The following CACNA2D2 variants were observed in gnomAD, a reference collection of about 807,000 sequenced individuals.
CACNA2D2 encodes calcium voltage-gated channel auxiliary subunit alpha2delta 2, also known as voltage-dependent calcium channel subunit alpha-2/delta-2.
In CACNA2D2, 48 loss-of-function variants were observed where a neutral mutation model predicts 166.4. The ratio of observed to expected loss-of-function variants is 0.29; its 90% CI spans 0.23 to 0.37. CACNA2D2 has a LOEUF of 0.37. Ranked by LOEUF, CACNA2D2 falls within the 10% of genes least tolerant of loss-of-function variation. The probability of loss-of-function intolerance (pLI) is 1.00; values close to 1 mark genes in which losing one functional copy is unlikely to be tolerated. For missense variants in CACNA2D2, 1,122 were observed against 1,433.0 expected (o/e 0.78, Z 3.50); for synonymous variants, 561 against 573.7 (o/e 0.98, Z 0.32).
intron 2 of CACNA2D2, among the ~76,000 whole-genome samples, chr3:50,457,508 C>T (rs970348978): frequency 6.6e-5 from 10 of 152,188 alleles, no homozygotes; most frequent in Non-Finnish European, 1.3e-4. Flanking sequence ...AATGTCTCCC[C>T]GCAGCTCCTG....
intron 2 of CACNA2D2, among the ~76,000 whole-genome samples, chr3:50,457,677 C>T (rs1485596170): frequency 6.6e-6 from 1 of 152,196 alleles, no homozygotes; most frequent in Non-Finnish European, 1.5e-5. Flanking sequence ...CTCAACACAC[C>T]TGAGGCTTGG....
At chr3:50,463,463 T>A (rs977540116) in intron 2 of CACNA2D2, among the ~76,000 whole-genome samples, 5 of 152,210 alleles carry the variant, frequency 3.3e-5, no homozygotes, top group Non-Finnish European at 7.3e-5. Flanking sequence ...CACGCCCAGC[T>A]GATTTTTGTA....
At chr3:50,451,187 G>A (rs767673034) in intron 2 of CACNA2D2, among the ~76,000 whole-genome samples, 10 of 151,776 alleles carry the variant, frequency 6.6e-5, no homozygotes, top group African/African-American at 1.2e-4. Flanking sequence ...GTGCAATGGC[G>A]CGATCTCGGC....
In CACNA2D2 at chr3:50,380,632, T is replaced by C; in HGVS notation, c.842+116A>G. 1.2e-6 allele frequency: 1 copy of C among 829,616 alleles called. No homozygotes were observed. The highest frequency in any genetic ancestry group is 1.8e-6 in the Non-Finnish European group (1 of 547,130). The allele number at this position is 829,616 out of a possible 1,614,324, so 51.4% of individuals were successfully genotyped here. Reference sequence around the variant, plus strand: ...TGGCAACCATGTGTGAAATGAAAATTGGATACAGCTGGCTGCGCCCTGCTA... The same window carrying C: ...TGGCAACCATGTGTGAAATGAAAATCGGATACAGCTGGCTGCGCCCTGCTA... On this transcript the variant is annotated intron_variant, in intron 8 of 37. Transcript: ENST00000424201. This position sits in a 1 kb window ranked among gnomAD's most constrained non-coding sequence, Gnocchi z 4.9.
chr3:50,367,785 T>A lies in CACNA2D2; in HGVS notation c.2234+27A>T. 1 of 1,612,410 alleles carries A rather than the reference T, an allele frequency of 6.2e-7. No homozygotes were observed. The highest frequency in any genetic ancestry group is 8.5e-7 in the Non-Finnish European group (1 of 1,178,812). Reference sequence around the variant, plus strand: ...GGCCTCTGGGCCCATCCTAGCCTTCTGCCCCCACAGGCTGGGTGATGCCTA... The same window carrying A: ...GGCCTCTGGGCCCATCCTAGCCTTCAGCCCCCACAGGCTGGGTGATGCCTA... On this transcript the variant is annotated intron_variant, in intron 25 of 37. Transcript: ENST00000424201. This position sits in a 1 kb window ranked among gnomAD's most constrained non-coding sequence, Gnocchi z 6.5.
At chr3:50,385,791 G>A (rs906397533) in intron 5 of CACNA2D2, among the ~76,000 whole-genome samples, 1 of 152,226 alleles carries the variant, frequency 6.6e-6, no homozygotes, top group African/African-American at 2.4e-5. Flanking sequence ...TGTGAGGCGT[G>A]CGCCACTCAC....
In CACNA2D2 at chr3:50,366,945, A is replaced by G; in HGVS notation, c.2501-26T>C. Reference sequence around the variant, plus strand: ...CTTTGGGGGAGAGCAAGGGACCATCAGTGCTACCTGCCCAGGCAGTACCCT... The same window carrying G: ...CTTTGGGGGAGAGCAAGGGACCATCGGTGCTACCTGCCCAGGCAGTACCCT... On this transcript the variant is annotated intron_variant, in intron 28 of 37. Coordinates refer to ENST00000424201, the MANE Select transcript of CACNA2D2 (RefSeq NM_006030.4). This position sits in a 1 kb window ranked among gnomAD's most constrained non-coding sequence, Gnocchi z 5.9. The G allele has an allele frequency of 6.2e-7, 1 of 1,613,362 alleles. No individual in the cohort carries two copies. Among genetic ancestry groups the G allele is most frequent in the Non-Finnish European group, 8.5e-7 (1 of 1,179,646 alleles).
At chr3:50,455,801 C>T (rs1284023104) in intron 2 of CACNA2D2, among the ~76,000 whole-genome samples, 1 of 152,174 alleles carries the variant, frequency 6.6e-6, no homozygotes, top group Non-Finnish European at 1.5e-5. Context: ...CTTCCTCCGG[C>T]GTCTCACCAG....
In CACNA2D2 at chr3:50,376,764, G is replaced by T. The variant is rs1012690194; in HGVS notation, c.1627-576C>A. Among the ~76,000 whole-genome samples, 14 of 152,252 alleles carry T rather than the reference G, an allele frequency of 9.2e-5. No individual in the cohort carries two copies. Among genetic ancestry groups the T allele is most frequent in the Middle Eastern group, 3.4e-3 (1 of 294 alleles). ...CACTCAGGGCCAAGCAGAGGCTTCA[G>T]GGGGGCTCAGGCTTAATGATGCTGT... On this transcript the variant is annotated intron_variant, in intron 17 of 37. Coordinates refer to ENST00000424201, the MANE Select transcript of CACNA2D2 (RefSeq NM_006030.4). The surrounding 1 kb of genome is among the most constrained non-coding windows in gnomAD (Gnocchi z 4.3).
intron 1 of CACNA2D2, among the ~76,000 whole-genome samples, chr3:50,483,605 CTGGGTTGGG>C (rs917454057): frequency 1.3e-5 from 2 of 152,154 alleles, no homozygotes; most frequent in African/African-American, 4.8e-5. Flanking sequence ...TAGCAGCCTG[CTGGGTTGGG>C]GGGAGTGGAG....
intron 23 of CACNA2D2, among the ~76,000 whole-genome samples, chr3:50,369,945 G>A (rs1023704041): frequency 2.6e-5 from 4 of 152,338 alleles, no homozygotes; most frequent in South Asian, 2.1e-4. Context: ...TGCGGGGTTG[G>A]GGGGATGGGC....
chr3:50,451,223 T>C (rs1709089621), intron 2 of CACNA2D2, among the ~76,000 whole-genome samples: 1 of 152,130 alleles, frequency 6.6e-6, no homozygotes, highest in Non-Finnish European at 1.5e-5. Flanking sequence ...CCCCCTGGGT[T>C]CAAGCGATTC....
chr3:50,462,429 TA>T (rs1310167664), intron 2 of CACNA2D2, among the ~76,000 whole-genome samples: 1 of 147,616 alleles, frequency 6.8e-6, no homozygotes, highest in African/African-American at 2.5e-5. Flanking sequence ...ATAATAATAA[TA>T]ATGATAATAA....
chr3:50,497,574 A>C (rs183019678), intron 1 of CACNA2D2, among the ~76,000 whole-genome samples: 8 of 152,304 alleles, frequency 5.3e-5, no homozygotes, highest in Admixed American at 2.0e-4. Context: ...AGGACCGGGG[A>C]CACCAAGCCA....
chr3:50,382,755 A>G (rs1283201977), intron 6 of CACNA2D2, among the ~76,000 whole-genome samples: 1 of 151,990 alleles, frequency 6.6e-6, no homozygotes, highest in African/African-American at 2.4e-5. Flanking sequence ...CCCACCCCTC[A>G]CTGTGTCTCG....
intron 5 of CACNA2D2, 89 bp downstream of exon 5, chr3:50,387,479 G>T: frequency 1.8e-6 from 2 of 1,105,868 alleles, no homozygotes; most frequent in Non-Finnish European, 2.8e-6. Context: ...GTTGAGCTCA[G>T]AATGTGTGGC....
At chr3:50,383,133 C>T (rs587620432) in intron 6 of CACNA2D2, among the ~76,000 whole-genome samples, 4 of 152,306 alleles carry the variant, frequency 2.6e-5, no homozygotes, top group East Asian at 1.9e-4. Flanking sequence ...CTGGAGAGGG[C>T]GGTGTGGCTC....
At chr3:50,461,232 C>T (rs1274454221) in intron 2 of CACNA2D2, among the ~76,000 whole-genome samples, 1 of 152,182 alleles carries the variant, frequency 6.6e-6, no homozygotes, top group East Asian at 1.9e-4. Context: ...TACAATGGAT[C>T]GGGAATCTGA....
At position 50,503,198 on chromosome 3, in the gene CACNA2D2, G is replaced by C; in HGVS notation, c.206+20C>G. The stretch of plus-strand genomic sequence containing the variant: ...GCGCAAGGCTCGGCCGGGGTCTCGC[G>C]GCCGGCCGAGGCCACTTACGTGTGC... On this transcript the variant is annotated intron_variant, in intron 1 of 37. Coordinates refer to ENST00000424201, the MANE Select transcript of CACNA2D2 (RefSeq NM_006030.4). 1 of 1,180,096 alleles carries C rather than the reference G, an allele frequency of 8.5e-7. No homozygotes were observed. The highest frequency in any genetic ancestry group is 1.0e-6 in the Non-Finnish European group (1 of 952,642). The allele number at this position is 1,180,096 out of a possible 1,614,324, so 73.1% of individuals were successfully genotyped here. A position where few individuals can be genotyped will look rare whatever the true frequency, so the allele number is the denominator to read the frequency against.
Sources: gnomAD v4.1 joint callset for allele counts (sites outside exome capture counted in the v4.1 genomes callset) on GRCh38, gnomAD v4.1.1 for gene constraint, Gnocchi (gnomAD v3.1) non-coding constraint, MANE v1.5 for transcripts, NCBI Gene and HGNC (gene_info 2026-07-23, HGNC 2026-07-21) for gene names.